TGFBR3: variants seen among roughly 807,000 people sequenced by gnomAD.
TGFBR3 encodes the protein transforming growth factor beta receptor 3.
Under a neutral mutation model 87.9 loss-of-function variants are expected in TGFBR3, and 46 were observed. The ratio of observed to expected loss-of-function variants is 0.52; its 90% confidence interval spans 0.41 to 0.67. The LOEUF (loss-of-function observed/expected upper bound fraction) is 0.67, where lower values mean the gene tolerates loss of function less well. TGFBR3 is among the 30% of genes least tolerant of loss of function. TGFBR3 has a pLI of 0.00. For missense variants in TGFBR3, 866 were observed against 1,041.9 expected (o/e 0.83, Z 2.32); for synonymous variants, 381 against 391.6 (o/e 0.97, Z 0.32).
In TGFBR3 at chr1:91,695,673, T is replaced by A; in HGVS notation, c.2436A>T (p.Thr812=). 6.2e-7 allele frequency: 1 copy of A among 1,609,830 alleles called. No homozygotes were observed. The highest frequency in any genetic ancestry group is 8.5e-7 in the Non-Finnish European group (1 of 1,176,062). ...TGALWYIYSH[T]GETAGRQQVP... is the part of the protein sequence containing the mutation. ...CTCTTACTCAACAGTCACACTAACCTGTGTGAGAATAGATGTACCACAAGG... is the reference window on the plus strand; with the variant it reads ...CTCTTACTCAACAGTCACACTAACCAGTGTGAGAATAGATGTACCACAAGG... Residue 812 remains threonine (T), a splice_region_variant and synonymous_variant, in exon 16 of 17, where the codon ACA becomes ACT. Transcript: ENST00000212355.
intron 3 of TGFBR3, among the ~76,000 whole-genome samples, chr1:91,769,057 C>A (rs573405200): frequency 6.6e-6 from 1 of 152,268 alleles, no homozygotes; most frequent in South Asian, 2.1e-4. Flanking sequence ...TCTCCACCTA[C>A]CCACCCTAGG....
At chr1:91,878,600 T>C (rs1214046447) in intron 1 of TGFBR3, among the ~76,000 whole-genome samples, 1 of 152,232 alleles carries the variant, frequency 6.6e-6, no homozygotes, top group Non-Finnish European at 1.5e-5. Flanking sequence ...TAGTGAGTCA[T>C]GCTTGTGAAA....
At chr1:91,733,248 G>A (rs1354399925) in intron 5 of TGFBR3, among the ~76,000 whole-genome samples, 3 of 152,168 alleles carry the variant, frequency 2.0e-5, no homozygotes, top group East Asian at 1.9e-4. Context: ...TACAGCTCAG[G>A]CAACAAGCGT....
chr1:91,786,917 G>A (rs775542103), intron 3 of TGFBR3, among the ~76,000 whole-genome samples: 61 of 152,300 alleles, frequency 4.0e-4, no homozygotes, highest in Admixed American at 5.9e-4. Context: ...ATTTTAGAGA[G>A]AATAAAAATT....
chr1:91,729,747 G>A, intron 6 of TGFBR3, 58 bp downstream of exon 6: 4 of 1,604,954 alleles, frequency 2.5e-6, no homozygotes. Flanking sequence ...CCTGCCTCAA[G>A]TCAAGGAAGA....
intron 2 of TGFBR3, among the ~76,000 whole-genome samples, chr1:91,847,834 C>T (rs2799517): frequency 0.12 from 17,708 of 152,034 alleles, 1,304 homozygotes; most frequent in East Asian, 0.38. Context: ...AATGACCCCG[C>T]CCTCAGTGAC....
chr1:91,878,802 A>C (rs1459378159), intron 1 of TGFBR3, among the ~76,000 whole-genome samples: 1 of 152,256 alleles, frequency 6.6e-6, no homozygotes, highest in Non-Finnish European at 1.5e-5. Context: ...ATGTGCCTGG[A>C]AGGACAGAAA....
intron 2 of TGFBR3, among the ~76,000 whole-genome samples, chr1:91,819,592 G>C (rs1233217450): frequency 6.6e-6 from 1 of 152,196 alleles, no homozygotes; most frequent in South Asian, 2.1e-4. Flanking sequence ...TCCTGGTCAT[G>C]ATTTATTTCT....
chr1:91,707,174 A>C (rs1367160034), intron 14 of TGFBR3, among the ~76,000 whole-genome samples: 2 of 152,232 alleles, frequency 1.3e-5, no homozygotes, highest in African/African-American at 4.8e-5. Flanking sequence ...TGAAACCCAA[A>C]GAGCTGGTGG....
At chr1:91,704,324 T>A (rs1671717333) in intron 14 of TGFBR3, among the ~76,000 whole-genome samples, 1 of 32,116 alleles carries the variant, frequency 3.1e-5, no homozygotes, top group Non-Finnish European at 7.2e-5. Context: ...TGAGACTTTG[T>A]CTCAAAAAAA....
chr1:91,726,219 C>A (rs17884981), intron 7 of TGFBR3, among the ~76,000 whole-genome samples: 1 of 152,058 alleles, frequency 6.6e-6, no homozygotes, highest in African/African-American at 2.4e-5. Context: ...AAAGAGCCAT[C>A]GAAGGGTCAA....
At chr1:91,746,361 T>C (rs1414370240) in intron 4 of TGFBR3, among the ~76,000 whole-genome samples, 1 of 152,198 alleles carries the variant, frequency 6.6e-6, no homozygotes, top group Non-Finnish European at 1.5e-5. Flanking sequence ...TTTTCCAAAG[T>C]AGAGTCCCAG....
At chr1:91,854,506 G>A (rs751109456) in intron 2 of TGFBR3, among the ~76,000 whole-genome samples, 13 of 152,102 alleles carry the variant, frequency 8.5e-5, no homozygotes, top group East Asian at 3.8e-4. Flanking sequence ...CACCTCACTC[G>A]ACAGTGAGGA....
intron 2 of TGFBR3, among the ~76,000 whole-genome samples, chr1:91,798,349 A>C (rs1205913739): frequency 1.3e-5 from 2 of 152,116 alleles, no homozygotes. Flanking sequence ...TAGCTGCCCT[A>C]CCAAATAAAG....
chr1:91,860,245 A>G (rs2489192), intron 2 of TGFBR3, among the ~76,000 whole-genome samples: 19,784 of 152,228 alleles, frequency 0.13, 1,647 homozygotes, highest in East Asian at 0.4. Context: ...TTAAATAAGA[A>G]TATCCTTATT....
In TGFBR3 at chr1:91,683,794, G is replaced by C. The variant is rs1571403309; in HGVS notation, c.2501C>G (p.Ala834Gly). ...SPPASENSSA[A>G]HSIGSTQSTP... ...GCTCTGCGTGCTGCCGATGCTGTGG[G>C]CAGCACTGCTGTTTTCCGAGGCTGG... The change falls in exon 17 of 17, where the codon GCC becomes GGC. Residue 834 changes from alanine (A) to glycine (G), a missense_variant. Ala to Gly is a moderately conservative substitution (Grantham distance 60). Transcript: ENST00000212355. 1 of 1,608,116 alleles carries C rather than the reference G, an allele frequency of 6.2e-7. No homozygotes were observed. The highest frequency in any genetic ancestry group is 1.3e-5 in the African/African-American group (1 of 75,008).
chr1:91,799,007 A>G (rs1418200484), intron 2 of TGFBR3, among the ~76,000 whole-genome samples: 3 of 152,156 alleles, frequency 2.0e-5, no homozygotes, highest in African/African-American at 7.2e-5. Context: ...TCTCCATTCA[A>G]TCACCCAGGA....
intron 2 of TGFBR3, among the ~76,000 whole-genome samples, chr1:91,807,730 T>C (rs1319167927): frequency 6.6e-6 from 1 of 152,232 alleles, no homozygotes; most frequent in African/African-American, 2.4e-5. Flanking sequence ...TCATGGTTTT[T>C]ATGACCTGAA....
intron 3 of TGFBR3, among the ~76,000 whole-genome samples, chr1:91,792,055 G>A (rs975938836): frequency 6.6e-6 from 1 of 152,206 alleles, no homozygotes; most frequent in Non-Finnish European, 1.5e-5. Flanking sequence ...CCAATCCTCA[G>A]AGAAGGTACA....
Sources: gnomAD v4.1 joint callset for allele counts (sites outside exome capture counted in the v4.1 genomes callset) on GRCh38, gnomAD v4.1.1 for gene constraint, MANE v1.5 for transcripts, NCBI Gene and HGNC (gene_info 2026-07-23, HGNC 2026-07-21) for gene names.